SLC24A4: variants seen among roughly 807,000 people sequenced by gnomAD.
The protein encoded by SLC24A4 is sodium/potassium/calcium exchanger 4.
A neutral mutation model predicts 79.0 loss-of-function variants in SLC24A4; 53 were observed. That is an observed-to-expected ratio of 0.67 (90% CI 0.54 to 0.84). The LOEUF (loss-of-function observed/expected upper bound fraction) is 0.84. Among genes scored for constraint, SLC24A4 ranks in the 40% least tolerant of loss-of-function variants. SLC24A4 has a pLI of 0.00. For missense variants in SLC24A4, 731 were observed against 822.0 expected (o/e 0.89, Z 1.35); for synonymous variants, 323 against 323.8 (o/e 1.00, Z 0.03).
chr14:92,481,532 G>A (rs994449161), intron 12 of SLC24A4, among the ~76,000 whole-genome samples: 5 of 152,162 alleles, frequency 3.3e-5, no homozygotes, highest in African/African-American at 1.2e-4. Context: ...AATGAACTTG[G>A]GAGGTCCTCC....
At chr14:92,364,071 C>T (rs1163211181) in intron 2 of SLC24A4, among the ~76,000 whole-genome samples, 1 of 152,182 alleles carries the variant, frequency 6.6e-6, no homozygotes, top group Non-Finnish European at 1.5e-5. Context: ...TACATGGCAG[C>T]TCCCCACCAG....
At chr14:92,369,388 T>G (rs1050217916) in intron 2 of SLC24A4, among the ~76,000 whole-genome samples, 9 of 152,150 alleles carry the variant, frequency 5.9e-5, no homozygotes, top group African/African-American at 1.9e-4. Context: ...CATCAGCAGA[T>G]GAATCCATAT....
At position 92,441,630 on chromosome 14, in the gene SLC24A4, T is replaced by C. The variant is rs1892501608; in HGVS notation, c.394-459T>C. ...TGGAGCACCACTCTGTGCCAGACCC[T>C]GTTCTAGGCACCAGGGATGCAAAGT... is the stretch of plus-strand genomic sequence containing the variant. On this transcript the variant is annotated intron_variant, in intron 4 of 16. Coordinates refer to ENST00000532405, the MANE Select transcript of SLC24A4 (RefSeq NM_153646.4). This position sits in a 1 kb window ranked among gnomAD's most constrained non-coding sequence, Gnocchi z 4.6. 6.6e-6 allele frequency among the ~76,000 whole-genome samples: 1 copy of C among 152,244 alleles called. No individual in the cohort carries two copies. Among genetic ancestry groups the C allele is most frequent in the Admixed American group, 6.5e-5 (1 of 15,292 alleles).
At chr14:92,362,713 G>A (rs866346804) in intron 2 of SLC24A4, among the ~76,000 whole-genome samples, 1 of 152,184 alleles carries the variant, frequency 6.6e-6, no homozygotes, top group African/African-American at 2.4e-5. Context: ...AGTGTGCTGC[G>A]TCCCAAGTCT....
intron 2 of SLC24A4, among the ~76,000 whole-genome samples, chr14:92,404,121 C>T (rs1890252623): frequency 6.6e-6 from 1 of 152,188 alleles, no homozygotes; most frequent in Non-Finnish European, 1.5e-5. Flanking sequence ...CATAACCTCA[C>T]CTCCCTGCTG....
chr14:92,474,843 G>GTTTATATATATATATATATATATA (rs779007741), intron 12 of SLC24A4, among the ~76,000 whole-genome samples: 1 of 23,884 alleles, frequency 4.2e-5, no homozygotes, highest in East Asian at 6.8e-4. Context: ...GTGTGTGTGT[G>GTTTATATATATATATATATATATA]TATATATATA....
intron 12 of SLC24A4, among the ~76,000 whole-genome samples, chr14:92,463,960 G>A (rs1307515274): frequency 6.6e-6 from 1 of 152,094 alleles, no homozygotes; most frequent in Non-Finnish European, 1.5e-5. Flanking sequence ...GTCCATCCAC[G>A]CTGTACTATG....
intron 2 of SLC24A4, among the ~76,000 whole-genome samples, chr14:92,419,891 C>T (rs1891184015): frequency 6.6e-6 from 1 of 152,204 alleles, no homozygotes; most frequent in Admixed American, 6.5e-5. Context: ...AATAGGGTCT[C>T]TGCAGATGTA....
chr14:92,449,281 TACACACACACAC>T (rs36228701), intron 10 of SLC24A4, 65 bp downstream of exon 10: 48,801 of 862,552 alleles, frequency 0.057, 217 homozygotes, highest in African/African-American at 0.088. Flanking sequence ...CTCTTTTGTG[TACACACACACAC>T]ACACACACAC....
chr14:92,358,326 C>G (rs1183830381), intron 2 of SLC24A4, among the ~76,000 whole-genome samples: 1 of 152,150 alleles, frequency 6.6e-6, no homozygotes, highest in Non-Finnish European at 1.5e-5. Context: ...TACGTTGACC[C>G]TGGGCAGTGA....
Position 92,491,704 on chromosome 14 carries a change from A to T in SLC24A4, c.1577A>T (p.Asn526Ile). The change falls in exon 15 of 17, where the codon AAC (asparagine) becomes ATC (isoleucine). Residue 526 changes from asparagine (N) to isoleucine (I), a missense_variant. Asn to Ile is a moderately radical substitution (Grantham distance 149). Transcript: ENST00000532405. ...DMAVSNTIGSNVFDILVGLGV... is the reference protein window; with the variant it reads ...DMAVSNTIGSIVFDILVGLGV... ...GCAGTCTCCAACACCATAGGAAGCAACGTGTTTGACATCCTGGTAGGACTT... is the reference window on the plus strand; with the variant it reads ...GCAGTCTCCAACACCATAGGAAGCATCGTGTTTGACATCCTGGTAGGACTT... 6.2e-7 allele frequency: 1 copy of T among 1,613,964 alleles called. No individual in the cohort carries two copies. The highest frequency in any genetic ancestry group is 8.5e-7 in the Non-Finnish European group (1 of 1,179,864).
At chr14:92,466,507 C>T (rs12880508) in intron 12 of SLC24A4, among the ~76,000 whole-genome samples, 106,654 of 152,020 alleles carry the variant, frequency 0.7, 37,938 homozygotes, top group Non-Finnish European at 0.76. Context: ...CAGTACCCCT[C>T]AGGCAATCAA....
chr14:92,463,353 C>T (rs1893926035), intron 12 of SLC24A4, among the ~76,000 whole-genome samples: 1 of 152,174 alleles, frequency 6.6e-6, no homozygotes, highest in Non-Finnish European at 1.5e-5. Flanking sequence ...CGTCTCGGCA[C>T]GTTGGTGACA....
At chr14:92,454,210 G>C (rs1893326608) in intron 11 of SLC24A4, 141 bp downstream of exon 11, 1 of 762,828 alleles carries the variant, frequency 1.3e-6, no homozygotes, top group East Asian at 3.1e-5. Flanking sequence ...CTGCCCATCA[G>C]CCACAGGCAG....
intron 2 of SLC24A4, among the ~76,000 whole-genome samples, chr14:92,413,119 T>A (rs1470819910): frequency 3.3e-5 from 5 of 152,196 alleles, no homozygotes; most frequent in African/African-American, 4.8e-5. Context: ...GTCTGGTTCT[T>A]TCCAGGAAGA....
intron 12 of SLC24A4, among the ~76,000 whole-genome samples, chr14:92,460,121 G>T (rs577826195): frequency 2.0e-5 from 3 of 152,130 alleles, no homozygotes; most frequent in African/African-American, 4.8e-5. Context: ...GTCTAGCCCC[G>T]TGCCAATGTG....
intron 2 of SLC24A4, among the ~76,000 whole-genome samples, chr14:92,369,386 G>T (rs1888022842): frequency 6.6e-6 from 1 of 152,142 alleles, no homozygotes; most frequent in South Asian, 2.1e-4. Context: ...GACATCAGCA[G>T]ATGAATCCAT....
intron 5 of SLC24A4, 37 bp from the exon 6 acceptor site, chr14:92,442,676 G>A (rs2139812640): frequency 2.7e-6 from 4 of 1,489,912 alleles, no homozygotes; most frequent in South Asian, 2.3e-5. Flanking sequence ...CTGGGGACGT[G>A]TGGCTGAGGC....
At position 92,500,435 on chromosome 14, in the gene SLC24A4, A is replaced by G. The variant is rs1046251855; in HGVS notation, c.*6807A>G. 1.3e-5 allele frequency: 2 copies of G among 152,198 alleles called. No individual in the cohort carries two copies. The highest frequency in any genetic ancestry group is 4.8e-5 in the African/African-American group (2 of 41,450). 9.4% of individuals were successfully genotyped at this position (152,198 alleles called of 1,614,324 possible). On this transcript the variant is annotated 3_prime_UTR_variant, in exon 17 of 17. Coordinates refer to ENST00000532405, the MANE Select transcript of SLC24A4 (RefSeq NM_153646.4). ...AGGACAGACGCGCAGTCCTCTTTCA[A>G]TGGAAGAAGAGAGGACTTTTCCCCT...
Sources: gnomAD v4.1 joint callset for allele counts (sites outside exome capture counted in the v4.1 genomes callset) on GRCh38, gnomAD v4.1.1 for gene constraint, Gnocchi (gnomAD v3.1) non-coding constraint, MANE v1.5 for transcripts, NCBI Gene and HGNC (gene_info 2026-07-23, HGNC 2026-07-21) for gene names.